Variants in SIPA1L3 observed in about 807,000 individuals in gnomAD.
The protein encoded by SIPA1L3 is signal-induced proliferation-associated 1-like protein 3.
A neutral mutation model predicts 150.1 loss-of-function variants in SIPA1L3; 59 were observed. The ratio of observed to expected loss-of-function variants is 0.39; its 90% confidence interval spans 0.32 to 0.49. SIPA1L3 has a LOEUF of 0.49. Ranked by LOEUF, SIPA1L3 falls within the 20% of genes least tolerant of loss-of-function variation. SIPA1L3 has a pLI of 0.86. For synonymous variants in SIPA1L3, 1,070 were observed against 1,077.6 expected (o/e 0.99, Z 0.14); for missense variants, 2,211 against 2,489.5 (o/e 0.89, Z 2.38).
chr19:38,153,789 C>T (rs1343747075), intron 13 of SIPA1L3, among the ~76,000 whole-genome samples: 1 of 151,392 alleles, frequency 6.6e-6, no homozygotes, highest in Non-Finnish European at 1.5e-5. Context: ...CAAAAATTAG[C>T]CAGGCGTGGT....
chr19:38,184,717 G>A (rs564724998), intron 16 of SIPA1L3: 1 of 152,346 alleles, frequency 6.6e-6, no homozygotes, highest in South Asian at 2.1e-4. Context: ...GACAGAAACA[G>A]TGTCCCTGGA....
At chr19:38,053,920 GAAAGCA>G (rs1424563215) in intron 2 of SIPA1L3, among the ~76,000 whole-genome samples, 52 of 149,824 alleles carry the variant, frequency 3.5e-4, no homozygotes, top group Non-Finnish European at 5.5e-4. Context: ...TTTTGCCATC[GAAAGCA>G]ATGGCAAAAA....
rs141710131 is a variant in SIPA1L3 at position 38,082,719 on chromosome 19, C to T, written c.1154C>T (p.Thr385Met). Residue 385 changes from threonine (T) to methionine (M), a missense_variant, in exon 3 of 22, where the codon ACG (threonine) becomes ATG (methionine). Physicochemically the swap from Thr to Met is moderately conservative, Grantham distance 81 (BLOSUM62 -1). Coordinates refer to ENST00000222345, the MANE Select transcript of SIPA1L3 (RefSeq NM_015073.3). ...ASAASAMASL[T>M]ASRAHSLGGL... ...GCCGCCTCGGCCATGGCCTCCCTCA[C>T]GGCCTCGCGGGCCCACAGCCTCGGA... 9 of 1,611,628 alleles carry T rather than the reference C, an allele frequency of 5.6e-6. No homozygotes were observed. The highest frequency in any genetic ancestry group is 2.2e-5 in the East Asian group (1 of 44,870).
intron 1 of SIPA1L3, among the ~76,000 whole-genome samples, chr19:37,983,498 G>A (rs553313246): frequency 1.3e-5 from 2 of 151,928 alleles, no homozygotes; most frequent in East Asian, 1.9e-4. Context: ...GTGCAGTAGC[G>A]TTGACCATGA....
intron 4 of SIPA1L3, among the ~76,000 whole-genome samples, chr19:38,090,821 C>T (rs1333011983): frequency 6.6e-6 from 1 of 152,206 alleles, no homozygotes; most frequent in Non-Finnish European, 1.5e-5. Flanking sequence ...AGTGCCCTCG[C>T]CCCATCCCCT....
chr19:38,008,217 CTTTTTTTTTTTTTTTT>C (rs35422339), intron 1 of SIPA1L3, among the ~76,000 whole-genome samples: 10 of 50,094 alleles, frequency 2.0e-4, no homozygotes, highest in South Asian at 1.0e-3. Flanking sequence ...CCATAGGCTG[CTTTTTTTTTTTTTTTT>C]TTTTTTTTTT....
chr19:38,100,671 G>C (rs1403703110), intron 5 of SIPA1L3, among the ~76,000 whole-genome samples: 1 of 152,232 alleles, frequency 6.6e-6, no homozygotes, highest in African/African-American at 2.4e-5. Context: ...CCTAAAAAAG[G>C]TATTGACTAT....
intron 9 of SIPA1L3, among the ~76,000 whole-genome samples, chr19:38,127,804 C>T (rs1193762335): frequency 6.6e-6 from 1 of 152,118 alleles, no homozygotes; most frequent in Non-Finnish European, 1.5e-5. Flanking sequence ...GCACTGCACT[C>T]AGCCCGAGTT....
intron 18 of SIPA1L3, 116 bp downstream of exon 18, chr19:38,193,896 A>G (rs947254448): frequency 3.9e-5 from 47 of 1,193,050 alleles, no homozygotes; most frequent in Admixed American, 1.8e-4. Context: ...TGTCGGGGCC[A>G]TCTCAGGGAG....
At chr19:37,992,471 C>T (rs1967532854) in intron 1 of SIPA1L3, among the ~76,000 whole-genome samples, 1 of 151,878 alleles carries the variant, frequency 6.6e-6, no homozygotes. Flanking sequence ...GCCAACACGG[C>T]GAGACCCCGT....
intron 1 of SIPA1L3, among the ~76,000 whole-genome samples, chr19:38,007,748 G>C (rs1967989522): frequency 6.6e-6 from 1 of 151,782 alleles, no homozygotes; most frequent in African/African-American, 2.4e-5. Flanking sequence ...TAAGTATCTT[G>C]GTGTGTGTGT....
chr19:38,069,248 G>T (rs985629061), intron 2 of SIPA1L3, among the ~76,000 whole-genome samples: 1 of 152,162 alleles, frequency 6.6e-6, no homozygotes, highest in Non-Finnish European at 1.5e-5. Flanking sequence ...GGGGACAATC[G>T]GAGGGAGGCG....
chr19:38,065,457 C>G (rs1305632003), intron 2 of SIPA1L3, among the ~76,000 whole-genome samples: 1 of 150,696 alleles, frequency 6.6e-6, no homozygotes, highest in East Asian at 1.9e-4. Context: ...CTGTTATTGC[C>G]CAGGCTGGAG....
At chr19:38,198,333 TTG>T (rs1383505404) in intron 18 of SIPA1L3, 54 bp from the exon 19 acceptor site, 2 of 1,442,154 alleles carry the variant, frequency 1.4e-6, no homozygotes, top group South Asian at 1.5e-5. Context: ...CTTCATGTAT[TTG>T]TGTCTCCCGC....
chr19:37,961,631 C>T (rs1409768042), intron 1 of SIPA1L3, among the ~76,000 whole-genome samples: 1 of 152,030 alleles, frequency 6.6e-6, no homozygotes, highest in African/African-American at 2.4e-5. Context: ...AGTTTCTTGG[C>T]CTTCTTGGAT....
At chr19:38,152,040 T>G (rs1971836233) in intron 12 of SIPA1L3, among the ~76,000 whole-genome samples, 1 of 151,130 alleles carries the variant, frequency 6.6e-6, no homozygotes, top group South Asian at 2.1e-4. Flanking sequence ...ACCACCTCCC[T>G]TAAATCCTAG....
chr19:38,140,188 T>A (rs1379080364), intron 10 of SIPA1L3, among the ~76,000 whole-genome samples: 1 of 152,218 alleles, frequency 6.6e-6, no homozygotes, highest in Non-Finnish European at 1.5e-5. Flanking sequence ...AAGGCTCCTC[T>A]GAGCTCAGCT....
At chr19:38,097,549 A>C (rs186482483) in intron 4 of SIPA1L3, among the ~76,000 whole-genome samples, 10 of 152,208 alleles carry the variant, frequency 6.6e-5, no homozygotes, top group Admixed American at 5.9e-4. Context: ...TTGGCCTCAC[A>C]TCTATGTGTT....
Position 38,193,679 on chromosome 19 carries a change from C to A in SIPA1L3, c.4739C>A (p.Pro1580Gln), listed in dbSNP as rs373097262. ...DVLFTSTCAF[P>Q]SSTLPARRQH... ...CTCTTCACCAGCACCTGCGCCTTCC[C>A]GTCCAGCACGCTGCCTGCACGCCGC... The change falls in exon 18 of 22, where the codon CCG becomes CAG. Residue 1580 changes from proline (P) to glutamine (Q), a missense_variant. Physicochemically the swap from Pro to Gln is moderately conservative, Grantham distance 76. This residue lies in a region of SIPA1L3 where 806 missense variants were observed against 870.1 expected (regional missense o/e 0.93). Transcript: ENST00000222345. 3.0e-5 allele frequency: 48 copies of A among 1,576,980 alleles called. No homozygotes were observed. The highest frequency in any genetic ancestry group is 4.1e-5 in the Non-Finnish European group (48 of 1,169,240).
Sources: gnomAD v4.1 joint callset for allele counts (sites outside exome capture counted in the v4.1 genomes callset) on GRCh38, gnomAD v4.1.1 for gene constraint, gnomAD v4.1.1 regional missense constraint, MANE v1.5 for transcripts, NCBI Gene and HGNC (gene_info 2026-07-23, HGNC 2026-07-21) for gene names.